VGLL4: variants seen among roughly 807,000 people sequenced by gnomAD.
VGLL4 encodes the protein transcription cofactor vestigial-like protein 4.
A neutral mutation model predicts 21.0 loss-of-function variants in VGLL4; 7 were observed. The ratio of observed to expected loss-of-function variants is 0.33; its 90% CI spans 0.19 to 0.63. The LOEUF is 0.63. VGLL4 is among the 20% of genes least tolerant of loss of function. The pLI is 0.78. For synonymous variants in VGLL4, 222 were observed against 173.2 expected (o/e 1.28, Z -2.21); for missense variants, 394 against 425.7 (o/e 0.93, Z 0.66).
chr3:11,560,761 CGGGACAGAGCTGCCCA>C (rs1411214819), intron 3 of VGLL4, among the ~76,000 whole-genome samples: 8 of 152,150 alleles, frequency 5.3e-5, no homozygotes, highest in Non-Finnish European at 1.0e-4. Context: ...CACTTAGCAG[CGGGACAGAGCTGCCCA>C]GGGTTCGTAC....
intron 1 of VGLL4, among the ~76,000 whole-genome samples, chr3:11,603,127 C>T (rs922397604): frequency 6.6e-6 from 1 of 152,164 alleles, no homozygotes; most frequent in Non-Finnish European, 1.5e-5. Flanking sequence ...GATGTGTGGA[C>T]AGTGTTAACA....
chr3:11,668,170 A>G (rs559493772), intron 2 of VGLL4, among the ~76,000 whole-genome samples: 2 of 151,944 alleles, frequency 1.3e-5, no homozygotes, highest in Admixed American at 6.6e-5. Flanking sequence ...TCCTATCTTC[A>G]AGCCACAGGA....
intron 1 of VGLL4, among the ~76,000 whole-genome samples, chr3:11,634,791 C>T (rs1023703886): frequency 6.6e-6 from 1 of 152,068 alleles, no homozygotes; most frequent in Non-Finnish European, 1.5e-5. Context: ...GATTCTCCTG[C>T]CTCACCCTCC....
chr3:11,689,967 G>A (rs1032495733), intron 2 of VGLL4, among the ~76,000 whole-genome samples: 13 of 152,182 alleles, frequency 8.5e-5, no homozygotes, highest in African/African-American at 1.2e-4. Context: ...GCAGGAGCCC[G>A]CAGGGATCTG....
At chr3:11,690,464 T>G (rs2076511122) in intron 2 of VGLL4, among the ~76,000 whole-genome samples, 1 of 152,200 alleles carries the variant, frequency 6.6e-6, no homozygotes, top group Non-Finnish European at 1.5e-5. Context: ...TTAAAATGCT[T>G]TATTCAAAGC....
chr3:11,623,338 T>C (rs2616553), intron 1 of VGLL4, among the ~76,000 whole-genome samples: 39,789 of 152,118 alleles, frequency 0.26, 5,696 homozygotes, highest in South Asian at 0.46. Flanking sequence ...ACTCAGGGGA[T>C]TGGTTCCAGG....
chr3:11,640,818 T>G (rs1440440165), intron 1 of VGLL4, among the ~76,000 whole-genome samples: 2 of 150,426 alleles, frequency 1.3e-5, no homozygotes, highest in Non-Finnish European at 3.0e-5. Flanking sequence ...ACAAGAGAGG[T>G]TTAAGAAAGA....
At chr3:11,591,441 G>C (rs926033370) in intron 2 of VGLL4, among the ~76,000 whole-genome samples, 2 of 152,128 alleles carry the variant, frequency 1.3e-5, no homozygotes, top group South Asian at 2.1e-4. Context: ...ATTCTGTGTC[G>C]TCGTTTGGCC....
At chr3:11,709,083 C>G (rs975370345) in intron 1 of VGLL4, among the ~76,000 whole-genome samples, 2 of 151,056 alleles carry the variant, frequency 1.3e-5, no homozygotes, top group Admixed American at 6.6e-5. Flanking sequence ...AATAATAATC[C>G]ATTGAAATGC....
At chr3:11,694,771 C>T (rs1380110446) in intron 2 of VGLL4, among the ~76,000 whole-genome samples, 3 of 152,144 alleles carry the variant, frequency 2.0e-5, no homozygotes, top group Non-Finnish European at 4.4e-5. Context: ...TTGCATTAGC[C>T]GGCAAGTGGC....
chr3:11,691,983 GAAAA>G (rs36035876), intron 2 of VGLL4, among the ~76,000 whole-genome samples: 1 of 105,692 alleles, frequency 9.5e-6, no homozygotes. Context: ...TGCACCAAAT[GAAAA>G]AAAAAAAAAA....
At chr3:11,581,839 A>G (rs2074236545) in intron 2 of VGLL4, among the ~76,000 whole-genome samples, 1 of 152,248 alleles carries the variant, frequency 6.6e-6, no homozygotes, top group African/African-American at 2.4e-5. Context: ...TGGCAGCTGG[A>G]CTGAGTGGGA....
intron 1 of VGLL4, among the ~76,000 whole-genome samples, chr3:11,709,435 T>TAAAAAAAAAA (rs58100629): frequency 9.2e-6 from 1 of 108,836 alleles, no homozygotes; most frequent in Admixed American, 9.0e-5. Context: ...AGACTCCGTC[T>TAAAAAAAAAA]AAAAAAAAAA....
intron 2 of VGLL4, among the ~76,000 whole-genome samples, chr3:11,586,843 G>A (rs2074372689): frequency 6.6e-6 from 1 of 152,180 alleles, no homozygotes; most frequent in East Asian, 1.9e-4. Context: ...AGGAGCCTGC[G>A]TGATGGAGAG....
chr3:11,705,995 C>T (rs1364703464), intron 1 of VGLL4, among the ~76,000 whole-genome samples: 3 of 151,954 alleles, frequency 2.0e-5, no homozygotes, highest in African/African-American at 7.3e-5. Flanking sequence ...AATAATACAG[C>T]ATTTAGACTC....
upstream of VGLL4, among the ~76,000 whole-genome samples, chr3:11,645,216 T>G (rs2075771183): frequency 6.6e-6 from 1 of 151,790 alleles, no homozygotes; most frequent in African/African-American, 2.4e-5. Flanking sequence ...AACTAAACAT[T>G]TGAATTACTA....
intron 3 of VGLL4, among the ~76,000 whole-genome samples, chr3:11,564,377 G>A (rs1443068122): frequency 1.3e-5 from 2 of 148,654 alleles, no homozygotes; most frequent in Admixed American, 6.8e-5. Flanking sequence ...CCCTTCATCC[G>A]CGTGACCGTC....
Position 11,719,486 on chromosome 3 carries a change from G to T in VGLL4, c.-14+908C>A, listed in dbSNP as rs897897292. On this transcript the variant is annotated intron_variant, in intron 1 of 5. Transcript: ENST00000273038. The surrounding 1 kb of genome is among the most constrained non-coding windows in gnomAD (Gnocchi z 4.0). ...TGCGGGGGACCCAGGGGCGGGGACG[G>T]GACCTGGGCACGCGGGGCGCACCCC... 7.3e-5 allele frequency: 11 copies of T among 151,408 alleles called. No homozygotes were observed. The highest frequency in any genetic ancestry group is 2.4e-4 in the African/African-American group (10 of 41,462). 9.4% of individuals were successfully genotyped at this position (151,408 alleles called of 1,614,324 possible). A position where few individuals can be genotyped will look rare whatever the true frequency, so the allele number is the denominator to read the frequency against.
intron 2 of VGLL4, among the ~76,000 whole-genome samples, chr3:11,650,718 AACACAC>A (rs10539636): frequency 2.4e-3 from 353 of 147,618 alleles, no homozygotes; most frequent in African/African-American, 7.5e-3. Context: ...ACACATAGAA[AACACAC>A]ACACACACAC....
Sources: gnomAD v4.1 joint callset for allele counts (sites outside exome capture counted in the v4.1 genomes callset) on GRCh38, gnomAD v4.1.1 for gene constraint, Gnocchi (gnomAD v3.1) non-coding constraint, MANE v1.5 for transcripts, NCBI Gene and HGNC (gene_info 2026-07-23, HGNC 2026-07-21) for gene names.